The following PRKACB variants were observed in gnomAD, a reference collection of about 807,000 sequenced individuals.
PRKACB encodes protein kinase cAMP-activated catalytic subunit beta.
A neutral mutation model predicts 51.4 loss-of-function variants in PRKACB; 16 were observed. The ratio of observed to expected loss-of-function variants is 0.31; its 90% CI spans 0.21 to 0.47. The LOEUF is 0.47. Ranked by LOEUF, PRKACB falls within the 20% of genes least tolerant of loss-of-function variation. The pLI is 1.00. For missense variants in PRKACB, 309 were observed against 464.5 expected, an observed-to-expected ratio of 0.67 and a Z score of 3.08; for synonymous variants, 147 against 154.4, an observed-to-expected ratio of 0.95 and a Z score of 0.35.
chr1:84,117,810 T>C (rs1414935377), intron 1 of PRKACB, among the ~76,000 whole-genome samples: 1 of 152,228 alleles, frequency 6.6e-6, no homozygotes, highest in African/African-American at 2.4e-5. Context: ...TGACTTTGTT[T>C]CTTTTCTTCA....
At chr1:84,084,785 G>A (rs1270588278) in intron 1 of PRKACB, among the ~76,000 whole-genome samples, 2 of 152,112 alleles carry the variant, frequency 1.3e-5, no homozygotes, top group Non-Finnish European at 2.9e-5. Flanking sequence ...GAATACAGAG[G>A]GCAGGAGTAC....
intron 5 of PRKACB, among the ~76,000 whole-genome samples, chr1:84,189,145 T>C (rs948915291): frequency 1.3e-5 from 2 of 151,882 alleles, no homozygotes; most frequent in Non-Finnish European, 2.9e-5. Context: ...TTTAGAGCTT[T>C]CCATTAAAAA....
chr1:84,098,907 C>T (rs1244195110), intron 1 of PRKACB, among the ~76,000 whole-genome samples: 1 of 151,930 alleles, frequency 6.6e-6, no homozygotes, highest in Non-Finnish European at 1.5e-5. Flanking sequence ...ATCAAGGATC[C>T]TGAAAAGGAT....
At chr1:84,228,166 C>G (rs746460905) in intron 9 of PRKACB, among the ~76,000 whole-genome samples, 11 of 152,118 alleles carry the variant, frequency 7.2e-5, no homozygotes, top group Non-Finnish European at 1.6e-4. Flanking sequence ...TTACCTTATT[C>G]TTTTTCAATA....
intron 1 of PRKACB, among the ~76,000 whole-genome samples, chr1:84,093,512 A>G (rs1402747064): frequency 1.3e-5 from 2 of 152,204 alleles, no homozygotes; most frequent in Non-Finnish European, 2.9e-5. Context: ...ATGAATTCAT[A>G]TAACTTTATA....
chr1:84,191,430 C>T (rs1666762786), intron 5 of PRKACB, among the ~76,000 whole-genome samples: 1 of 151,962 alleles, frequency 6.6e-6, no homozygotes, highest in Non-Finnish European at 1.5e-5. Context: ...TGTAAGTGAC[C>T]TGACATTTCT....
At position 84,235,336 on chromosome 1, in the gene PRKACB, T is replaced by C; in HGVS notation, c.*31T>C. On this transcript the variant is annotated 3_prime_UTR_variant, in exon 10 of 10. Coordinates refer to ENST00000370685, the MANE Select transcript of PRKACB (RefSeq NM_182948.4). ...AACAAGATGACATCTGAGCTCACAC[T>C]CAGTGTTTGCACTCTGTTGAGAGAT... The C allele has an allele frequency of 6.2e-7, 1 of 1,613,278 alleles. No individual in the cohort carries two copies. Among genetic ancestry groups the C allele is most frequent in the Non-Finnish European group, 8.5e-7 (1 of 1,179,512 alleles).
intron 2 of PRKACB, chr1:84,181,585 T>G (rs900160514): frequency 9.5e-6 from 9 of 952,194 alleles, no homozygotes; most frequent in African/African-American, 6.8e-5. Context: ...GAGGAACTCT[T>G]CTTTCCTTAT....
At chr1:84,168,314 C>T (rs1008526026) in intron 1 of PRKACB, among the ~76,000 whole-genome samples, 3 of 151,502 alleles carry the variant, frequency 2.0e-5, no homozygotes, top group Admixed American at 6.6e-5. Context: ...CACTGTGTAG[C>T]GAATAGGTTT....
chr1:84,217,872 A>G (rs1279734960), intron 9 of PRKACB, among the ~76,000 whole-genome samples: 1 of 152,176 alleles, frequency 6.6e-6, no homozygotes, highest in African/African-American at 2.4e-5. Context: ...TCTGAACTCT[A>G]ACTTATTTTT....
intron 1 of PRKACB, among the ~76,000 whole-genome samples, chr1:84,173,573 A>G (rs1193140319): frequency 6.6e-6 from 1 of 151,644 alleles, no homozygotes; most frequent in East Asian, 1.9e-4. Context: ...TAGGGGTGGA[A>G]GAAGATGGAC....
intron 1 of PRKACB, among the ~76,000 whole-genome samples, chr1:84,129,994 A>G (rs1652009783): frequency 1.3e-5 from 2 of 152,032 alleles, no homozygotes; most frequent in South Asian, 4.1e-4. Context: ...AGGTCAGGAG[A>G]TGGAGACCAT....
At chr1:84,111,048 C>T (rs1650189248) in intron 1 of PRKACB, among the ~76,000 whole-genome samples, 1 of 151,946 alleles carries the variant, frequency 6.6e-6, no homozygotes, top group Admixed American at 6.6e-5. Context: ...CTTAGCCATT[C>T]TCCCTGCCTT....
At chr1:84,146,633 C>G (rs2100612141) in intron 1 of PRKACB, among the ~76,000 whole-genome samples, 1 of 152,028 alleles carries the variant, frequency 6.6e-6, no homozygotes, top group South Asian at 2.1e-4. Flanking sequence ...ATGATAAACA[C>G]TGAATATGTT....
chr1:84,219,234 T>A (rs1306327395), intron 9 of PRKACB, among the ~76,000 whole-genome samples: 1 of 151,646 alleles, frequency 6.6e-6, no homozygotes. Context: ...TAGGTTTTTT[T>A]TTTTTTTGAG....
At chr1:84,167,155 A>T (rs1415372647) in intron 1 of PRKACB, among the ~76,000 whole-genome samples, 1 of 151,624 alleles carries the variant, frequency 6.6e-6, no homozygotes, top group Non-Finnish European at 1.5e-5. Context: ...CAATCCTATT[A>T]TAATAACTGC....
chr1:84,146,540 T>C (rs546571400), intron 1 of PRKACB, among the ~76,000 whole-genome samples: 8 of 152,080 alleles, frequency 5.3e-5, no homozygotes, highest in African/African-American at 1.9e-4. Flanking sequence ...CTGTACAAAG[T>C]TTCATATGAA....
chr1:84,117,614 G>T (rs1650736359), intron 1 of PRKACB, among the ~76,000 whole-genome samples: 1 of 151,964 alleles, frequency 6.6e-6, no homozygotes, highest in African/African-American at 2.4e-5. Flanking sequence ...AGTCTCTGAT[G>T]ATCTTTTGTA....
chr1:84,204,877 G>T lies in PRKACB; in HGVS notation c.906+2072G>T, dbSNP rs1050795598. The T allele has an allele frequency of 1.0e-5, 10 of 982,608 alleles. No homozygotes were observed. In the African/African-American group the frequency reaches 1.7e-4, roughly 17 times the overall value. The allele number at this position is 982,608 out of a possible 1,614,324, so 60.9% of individuals were successfully genotyped here. ...CATTTTTATGCATTGGCCTCGATTT[G>T]CCAATCATTCTCTATTGGTTAAATT... is the stretch of plus-strand genomic sequence containing the variant. On this transcript the variant is annotated intron_variant, in intron 8 of 9. Transcript: ENST00000370685.
Sources: gnomAD v4.1 joint callset for allele counts (sites outside exome capture counted in the v4.1 genomes callset) on GRCh38, gnomAD v4.1.1 for gene constraint, MANE v1.5 for transcripts, NCBI Gene and HGNC (gene_info 2026-07-23, HGNC 2026-07-21) for gene names.